The following SRSF12 variants were observed in gnomAD, a reference collection of about 807,000 sequenced individuals.
The protein encoded by SRSF12 is serine/arginine-rich splicing factor 12.
A neutral mutation model predicts 34.1 loss-of-function variants in SRSF12; 21 were observed. That is an observed-to-expected ratio of 0.62 (90% CI 0.44 to 0.89). The LOEUF (loss-of-function observed/expected upper bound fraction) is 0.89, where lower values mean the gene tolerates loss of function less well. Ranked by LOEUF, SRSF12 falls within the 40% of genes least tolerant of loss-of-function variation. The probability of loss-of-function intolerance (pLI) is 0.00; values close to 1 mark genes in which losing one functional copy is unlikely to be tolerated. For synonymous variants in SRSF12, 111 were observed against 110.8 expected (o/e 1.00, Z -0.01); for missense variants, 278 against 327.8 (o/e 0.85, Z 1.17).
intron 1 of SRSF12, among the ~76,000 whole-genome samples, chr6:89,110,923 C>T (rs1303943783): frequency 6.6e-6 from 1 of 151,992 alleles, no homozygotes; most frequent in Non-Finnish European, 1.5e-5. Flanking sequence ...CAAGATCAGC[C>T]TGAGCAACAT....
At position 89,098,588 on chromosome 6, in the gene SRSF12, T is replaced by G; in HGVS notation, c.776A>C (p.Asn259Thr). The change falls in exon 5 of 5, where the codon AAC becomes ACC. Residue 259 changes from asparagine (N) to threonine (T), a missense_variant. Coordinates refer to ENST00000452027, the MANE Select transcript of SRSF12 (RefSeq NM_080743.5). ...HSRSRSYRHK[N>T]SW ...TCTTTCTGTTGCTGTTCACCAACTG[T>G]TTTTATGACGATAACTTCGAGATCT... 6.2e-7 allele frequency: 1 copy of G among 1,610,414 alleles called. No individual in the cohort carries two copies.
In SRSF12 at chr6:89,105,661, T is replaced by A. The variant is rs532252726; in HGVS notation, c.171-131A>T. ...TATTAAGCTCACATCTTCAATATAA[T>A]ATGAATAATCAGAAAAAAAACTTTC... On this transcript the variant is annotated intron_variant, in intron 2 of 4. Transcript: ENST00000452027. The A allele has an allele frequency of 3.1e-5, 19 of 608,650 alleles. No homozygotes were observed. The East Asian group carries it at 5.5e-4, about 17-fold the overall frequency. 37.7% of individuals were successfully genotyped at this position (608,650 alleles called of 1,614,324 possible).
intron 1 of SRSF12, among the ~76,000 whole-genome samples, chr6:89,114,904 C>T (rs531086745): frequency 6.6e-6 from 1 of 151,170 alleles, no homozygotes; most frequent in Non-Finnish European, 1.5e-5. Context: ...TCAAGCGATT[C>T]TCCTGTCTCC....
At chr6:89,114,889 C>T (rs748272679) in intron 1 of SRSF12, among the ~76,000 whole-genome samples, 6 of 151,346 alleles carry the variant, frequency 4.0e-5, no homozygotes, top group Non-Finnish European at 8.9e-5. Context: ...CTCCACCTCC[C>T]GGGTTCAAGC....
At chr6:89,116,386 G>A (rs1335902991) in intron 1 of SRSF12, among the ~76,000 whole-genome samples, 1 of 152,152 alleles carries the variant, frequency 6.6e-6, no homozygotes, top group Non-Finnish European at 1.5e-5. Flanking sequence ...TAAAAAGGCT[G>A]ACAGAAGAAA....
chr6:89,096,559 G>A lies in SRSF12; in HGVS notation c.*2019C>T, dbSNP rs1768292287. 6.6e-6 allele frequency: 1 copy of A among 152,142 alleles called. No individual in the cohort carries two copies. Among genetic ancestry groups the A allele is most frequent in the African/African-American group, 2.4e-5 (1 of 41,426 alleles). 9.4% of individuals were successfully genotyped at this position (152,142 alleles called of 1,614,324 possible). A position where few individuals can be genotyped will look rare whatever the true frequency, so the allele number is the denominator to read the frequency against. ...GATTACAATGACAAACCTAGTCAGA[G>A]GTAAATCAAAGGATTAAATATGTTC... On this transcript the variant is annotated 3_prime_UTR_variant, in exon 5 of 5. Coordinates refer to ENST00000452027, the MANE Select transcript of SRSF12 (RefSeq NM_080743.5).
rs1447908179 is a variant in SRSF12, at chr6:89,105,017, T to C, written c.416+102A>G. The C allele has an allele frequency of 2.5e-6, 3 of 1,223,746 alleles. No homozygotes were observed. Among genetic ancestry groups the C allele is most frequent in the African/African-American group, 3.0e-5 (2 of 65,734 alleles). 75.8% of individuals were successfully genotyped at this position (1,223,746 alleles called of 1,614,324 possible). On this transcript the variant is annotated intron_variant, in intron 4 of 4. Coordinates refer to ENST00000452027, the MANE Select transcript of SRSF12 (RefSeq NM_080743.5). Reference sequence around the variant, plus strand: ...TCTACAGTGGGCCATGATCGCACACTACTGCACTCCAGCCTGGGAAACAAT... The same window carrying C: ...TCTACAGTGGGCCATGATCGCACACCACTGCACTCCAGCCTGGGAAACAAT...
At chr6:89,103,753 C>T (rs1414174361) in intron 4 of SRSF12, among the ~76,000 whole-genome samples, 1 of 152,076 alleles carries the variant, frequency 6.6e-6, no homozygotes, top group Non-Finnish European at 1.5e-5. Flanking sequence ...AGCCACTGCA[C>T]CTGGTCCATA....
intron 2 of SRSF12, 45 bp downstream of exon 2, chr6:89,107,109 C>A: frequency 7.2e-7 from 1 of 1,395,762 alleles, no homozygotes; most frequent in Non-Finnish European, 1.0e-6. Context: ...TGTATAAGCA[C>A]GCATATACAG....
intron 1 of SRSF12, among the ~76,000 whole-genome samples, chr6:89,109,361 C>G (rs1768936989): frequency 6.6e-6 from 1 of 152,096 alleles, no homozygotes; most frequent in African/African-American, 2.4e-5. Context: ...GCTGGGCACA[C>G]AGTAGGTACT....
Position 89,108,745 on chromosome 6 carries a change from C to T in SRSF12, c.66-1487G>A, listed in dbSNP as rs377719935. On this transcript the variant is annotated intron_variant, in intron 1 of 4. Coordinates refer to ENST00000452027, the MANE Select transcript of SRSF12 (RefSeq NM_080743.5). ...TGCAGTATTTGAGGTGATGGTAGAA[C>T]ACTGATAAGAGTTCTATAAGCAACA... Among the ~76,000 whole-genome samples the T allele has an allele frequency of 1.9e-3, 285 of 152,222 alleles. 3 individuals carry two copies. Among genetic ancestry groups the T allele is most frequent in the African/African-American group, 6.2e-3 (257 of 41,538 alleles).
chr6:89,105,727 G>A (rs1032951705), intron 2 of SRSF12, 197 bp from the exon 3 acceptor site: 1 of 356,576 alleles, frequency 2.8e-6, no homozygotes, highest in African/African-American at 2.1e-5. Flanking sequence ...ATGTTTAGAA[G>A]AGTGAGTCTA....
rs780966903 is a variant in SRSF12, at chr6:89,105,541, G to A, written c.171-11C>T. 6.4e-7 allele frequency: 1 copy of A among 1,563,588 alleles called. No homozygotes were observed. Among genetic ancestry groups the A allele is most frequent in the Non-Finnish European group, 8.7e-7 (1 of 1,153,302 alleles). The stretch of plus-strand genomic sequence containing the variant: ...CGAACATCTTCAAATATGACTAGCT[G>A]TTAAGGACACTTTGAACATGAGATA... On this transcript the variant is annotated splice_polypyrimidine_tract_variant and intron_variant, in intron 2 of 4. Transcript: ENST00000452027.
intron 1 of SRSF12, among the ~76,000 whole-genome samples, chr6:89,115,636 T>C (rs566298593): frequency 0.035 from 5,020 of 142,554 alleles, 74 homozygotes; most frequent in African/African-American, 0.067. Context: ...TCTTTCTTTT[T>C]TTTTTTTTTT....
At chr6:89,116,786 A>AT (rs1384579759) in intron 1 of SRSF12, among the ~76,000 whole-genome samples, 22 of 152,120 alleles carry the variant, frequency 1.4e-4, no homozygotes, top group African/African-American at 5.1e-4. Context: ...AAAAAAAAAA[A>AT]AAAACTAAAA....
At chr6:89,108,431 C>T (rs1189493710) in intron 1 of SRSF12, among the ~76,000 whole-genome samples, 1 of 152,146 alleles carries the variant, frequency 6.6e-6, no homozygotes, top group East Asian at 1.9e-4. Context: ...ACAGAGTAAC[C>T]TATCTAAGCT....
chr6:89,103,385 G>C (rs568779044), intron 4 of SRSF12, among the ~76,000 whole-genome samples: 1 of 151,190 alleles, frequency 6.6e-6, no homozygotes, highest in African/African-American at 2.4e-5. Context: ...CTGGAGAGCA[G>C]TGGCGTGATC....
intron 1 of SRSF12, among the ~76,000 whole-genome samples, chr6:89,113,918 C>T (rs2127996938): frequency 6.6e-6 from 1 of 152,288 alleles, no homozygotes; most frequent in Middle Eastern, 3.4e-3. Flanking sequence ...GCTGGGATTA[C>T]AGGCATGAGC....
Position 89,098,468 on chromosome 6 carries a change from G to C in SRSF12, c.*110C>G. The C allele has an allele frequency of 7.4e-6, 10 of 1,358,456 alleles. No individual in the cohort carries two copies. In the South Asian group the frequency reaches 1.3e-4, roughly 18 times the overall value. 84.2% of individuals were successfully genotyped at this position (1,358,456 alleles called of 1,614,324 possible). ...ATTTTATTTCTTCCATATGCCCAAA[G>C]TAACTAATATCAACTCGCATTTTCT... On this transcript the variant is annotated 3_prime_UTR_variant, in exon 5 of 5. Coordinates refer to ENST00000452027, the MANE Select transcript of SRSF12 (RefSeq NM_080743.5).
Sources: allele counts gnomAD v4.1 joint callset (sites outside exome capture counted in the v4.1 genomes callset), GRCh38; gene constraint gnomAD v4.1.1; transcripts MANE v1.5; gene names NCBI Gene and HGNC (gene_info 2026-07-23, HGNC 2026-07-21).